The following SYT14 variants were observed in gnomAD, a reference collection of about 807,000 sequenced individuals.
SYT14 encodes the protein synaptotagmin 14.
Under a neutral mutation model 74.2 loss-of-function variants are expected in SYT14, and 32 were observed. That is an observed-to-expected ratio of 0.43 (90% confidence interval 0.33 to 0.58). The LOEUF is 0.58. Among genes scored for constraint, SYT14 ranks in the 20% least tolerant of loss-of-function variants. The pLI, the probability that SYT14 is intolerant of heterozygous loss-of-function variation, is 0.05. For synonymous variants in SYT14, 298 were observed against 337.7 expected, an observed-to-expected ratio of 0.88 and a Z score of 1.29; for missense variants, 791 against 981.8, an observed-to-expected ratio of 0.81 and a Z score of 2.60.
intron 5 of SYT14, among the ~76,000 whole-genome samples, chr1:210,054,964 G>T (rs926483668): frequency 2.0e-5 from 3 of 152,092 alleles, no homozygotes; most frequent in African/African-American, 7.2e-5. Context: ...CACAGTTTGG[G>T]GTGGGAGTGT....
chr1:210,101,342 A>G (rs1199234181), intron 7 of SYT14, among the ~76,000 whole-genome samples: 1 of 152,182 alleles, frequency 6.6e-6, no homozygotes, highest in Non-Finnish European at 1.5e-5. Flanking sequence ...ATATTTTAAA[A>G]TAAAGGTATA....
intron 4 of SYT14, among the ~76,000 whole-genome samples, chr1:210,019,427 T>C (rs563238026): frequency 6.6e-6 from 1 of 152,308 alleles, no homozygotes; most frequent in East Asian, 1.9e-4. Flanking sequence ...TAGTAACCGC[T>C]AGCTGCATGT....
At chr1:210,036,818 C>G (rs987580889) in intron 5 of SYT14, among the ~76,000 whole-genome samples, 5 of 151,960 alleles carry the variant, frequency 3.3e-5, no homozygotes, top group Admixed American at 2.6e-4. Context: ...TGATGTACTG[C>G]TAGGTTCAGT....
At chr1:210,002,074 C>T (rs754628181) in intron 2 of SYT14, among the ~76,000 whole-genome samples, 3 of 152,170 alleles carry the variant, frequency 2.0e-5, no homozygotes, top group Non-Finnish European at 2.9e-5. Flanking sequence ...GATAGCAGCT[C>T]TCGCAGACTG....
intron 5 of SYT14, among the ~76,000 whole-genome samples, chr1:210,059,370 C>A (rs1572229167): frequency 6.7e-6 from 1 of 148,830 alleles, no homozygotes; most frequent in South Asian, 2.1e-4. Flanking sequence ...AATTCTCTTA[C>A]TCAACCTGAG....
At chr1:209,974,722 A>G (rs1452100854) in intron 2 of SYT14, among the ~76,000 whole-genome samples, 1 of 151,998 alleles carries the variant, frequency 6.6e-6, no homozygotes, top group African/African-American at 2.4e-5. Flanking sequence ...TATGAACTTT[A>G]AAGTAGTTTT....
intron 2 of SYT14, among the ~76,000 whole-genome samples, chr1:210,004,179 T>A (rs1042178971): frequency 6.6e-6 from 1 of 152,134 alleles, no homozygotes. Context: ...AGTGTTTGGC[T>A]CCTAATGGTG....
intron 2 of SYT14, among the ~76,000 whole-genome samples, chr1:209,985,306 G>A (rs2079551958): frequency 6.6e-6 from 1 of 152,206 alleles, no homozygotes; most frequent in African/African-American, 2.4e-5. Context: ...AAAGAAAGGG[G>A]CTGCAGACCC....
intron 7 of SYT14, 81 bp from the exon 7 acceptor site, chr1:210,155,640 C>A (rs1030504796): frequency 4.2e-5 from 61 of 1,464,092 alleles, no homozygotes; most frequent in Non-Finnish European, 5.6e-5. Flanking sequence ...CCTACCTAAT[C>A]CAAATAAACA....
chr1:209,997,695 G>A (rs2079823690), intron 2 of SYT14, among the ~76,000 whole-genome samples: 1 of 152,014 alleles, frequency 6.6e-6, no homozygotes, highest in Non-Finnish European at 1.5e-5. Context: ...ACTACAGAGG[G>A]CATGGGGGCA....
intron 5 of SYT14, among the ~76,000 whole-genome samples, chr1:210,077,129 A>G (rs1437250475): frequency 6.6e-6 from 1 of 151,908 alleles, no homozygotes; most frequent in East Asian, 2.0e-4. Flanking sequence ...TCCAATAAGC[A>G]TGATGCCAGC....
chr1:210,080,745 T>C (rs2081601350), intron 5 of SYT14, among the ~76,000 whole-genome samples: 1 of 152,024 alleles, frequency 6.6e-6, no homozygotes, highest in Non-Finnish European at 1.5e-5. Flanking sequence ...TGTTAAATGT[T>C]AACATAGTGC....
intron 2 of SYT14, among the ~76,000 whole-genome samples, chr1:209,971,950 A>C (rs935274494): frequency 2.0e-5 from 3 of 152,132 alleles, no homozygotes; most frequent in African/African-American, 7.2e-5. Context: ...GAATACATTC[A>C]GTACGATTGG....
At chr1:209,977,232 A>T (rs1259496520) in intron 2 of SYT14, among the ~76,000 whole-genome samples, 1 of 152,102 alleles carries the variant, frequency 6.6e-6, no homozygotes, top group East Asian at 1.9e-4. Flanking sequence ...GTTATGTGTG[A>T]ATTTGATCCT....
intron 7 of SYT14, among the ~76,000 whole-genome samples, chr1:210,145,205 G>T (rs1375709404): frequency 1.3e-5 from 2 of 152,014 alleles, no homozygotes; most frequent in East Asian, 1.9e-4. Context: ...GCAATTTTTT[G>T]CTCAGGATAT....
intron 5 of SYT14, among the ~76,000 whole-genome samples, chr1:210,059,322 A>G (rs1451874652): frequency 6.6e-6 from 1 of 151,484 alleles, no homozygotes; most frequent in Non-Finnish European, 1.5e-5. Context: ...AAAGTCCCAT[A>G]CTAATTTGGG....
intron 2 of SYT14, among the ~76,000 whole-genome samples, chr1:209,959,138 A>T (rs910858642): frequency 8.5e-5 from 13 of 152,088 alleles, no homozygotes; most frequent in Non-Finnish European, 1.6e-4. Flanking sequence ...TTCTTTTTTT[A>T]AATTTATTAT....
exon 8 of SYT14, chr1:210,155,770 C>T: frequency 2.5e-6 from 4 of 1,614,034 alleles, no homozygotes; most frequent in Non-Finnish European, 3.4e-6. Flanking sequence ...AGTGAAAGTA[C>T]ATCCTCATGT....
chr1:210,167,787 C>A (rs1223845982), exon 10 of SYT14: 1 of 152,084 alleles, frequency 6.6e-6, no homozygotes, highest in Non-Finnish European at 1.5e-5. Flanking sequence ...AAATATTGCT[C>A]TTTTCTCTCC....
Sources: allele counts gnomAD v4.1 joint callset (sites outside exome capture counted in the v4.1 genomes callset), GRCh38; gene constraint gnomAD v4.1.1; transcripts MANE v1.5; gene names NCBI Gene and HGNC (gene_info 2026-07-23, HGNC 2026-07-21).